The following PELP1 variants were observed in gnomAD, a reference collection of about 807,000 sequenced individuals.
PELP1 encodes proline, glutamate and leucine rich protein 1, also known as proline-, glutamic acid- and leucine-rich protein 1.
PELP1 carries 32 observed loss-of-function variants against 95.5 expected under a neutral mutation model. That is an observed-to-expected ratio of 0.34 (90% CI 0.25 to 0.45). The LOEUF is 0.45. Among genes scored for constraint, PELP1 ranks in the 20% least tolerant of loss-of-function variants. The pLI is 1.00. For missense variants in PELP1, 1,358 were observed against 1,444.8 expected, an observed-to-expected ratio of 0.94 and a Z score of 0.97; for synonymous variants, 668 against 600.1, an observed-to-expected ratio of 1.11 and a Z score of -1.65.
chr17:4,697,993 C>T (rs1913359796), intron 1 of PELP1, among the ~76,000 whole-genome samples: 1 of 149,612 alleles, frequency 6.7e-6, no homozygotes. Flanking sequence ...AAGAATGACA[C>T]ATCATTTCTG....
chr17:4,701,034 T>G (rs1913508730), intron 1 of PELP1, among the ~76,000 whole-genome samples: 3 of 93,036 alleles, frequency 3.2e-5, no homozygotes, highest in African/African-American at 4.2e-5. Context: ...ATGGGAGGAA[T>G]GAAATAACAT....
chr17:4,677,246 G>A (rs1245302668), intron 5 of PELP1, among the ~76,000 whole-genome samples: 1 of 152,160 alleles, frequency 6.6e-6, no homozygotes, highest in African/African-American at 2.4e-5. Context: ...AAAGAAGGCT[G>A]CTAGAGCAGA....
chr17:4,694,695 G>A lies in PELP1; in HGVS notation c.250-3253C>T, dbSNP rs1224819916. ...AAATAAAATAAAAATAAAATGGGCC[G>A]GGCGCGGTGGCTTACGCCTGTAATG... On this transcript the variant is annotated intron_variant, in intron 1 of 16. Transcript: ENST00000572293. Among the ~76,000 whole-genome samples, 10 of 151,428 alleles carry A rather than the reference G, an allele frequency of 6.6e-5. No individual in the cohort carries two copies. The East Asian group carries it at 9.7e-4, about 15-fold the overall frequency.
intron 3 of PELP1, among the ~76,000 whole-genome samples, chr17:4,683,429 C>T (rs545092357): frequency 6.6e-6 from 1 of 151,280 alleles, no homozygotes; most frequent in South Asian, 2.1e-4. Context: ...ACTATGTTAG[C>T]CAGGATGGTC....
intron 1 of PELP1, 128 bp downstream of exon 1, chr17:4,703,735 T>C: frequency 4.0e-6 from 3 of 746,482 alleles, no homozygotes; most frequent in Non-Finnish European, 6.4e-6. Flanking sequence ...GATACCTGGA[T>C]CCCCTTTCTG....
intron 3 of PELP1, among the ~76,000 whole-genome samples, chr17:4,683,914 C>T (rs964504254): frequency 6.8e-6 from 1 of 147,942 alleles, no homozygotes; most frequent in African/African-American, 2.5e-5. Flanking sequence ...TCTTGGCTCA[C>T]CGCAGCCCTG....
Position 4,671,888 on chromosome 17 carries a change from C to G in PELP1, c.3103G>C (p.Gly1035Arg). The G allele has an allele frequency of 6.6e-7, 1 of 1,514,696 alleles. No individual in the cohort carries two copies. The highest frequency in any genetic ancestry group is 8.8e-7 in the Non-Finnish European group (1 of 1,135,150). The allele number at this position is 1,514,696 out of a possible 1,614,324, so 93.8% of individuals were successfully genotyped here. Reference sequence around the variant, plus strand: ...CTTTCCCCTTCCCTCTCCACCTCTCCCTGGGAGGGGAGCGCTTCAGGGGCC... The same window carrying G: ...CTTTCCCCTTCCCTCTCCACCTCTCGCTGGGAGGGGAGCGCTTCAGGGGCC... ...TLAPEALPSQ[G>R]EVEREGESPA... The change falls in exon 16 of 17, where the codon GGA becomes CGA. Residue 1035 changes from glycine (G) to arginine (R), a missense_variant. Gly to Arg is a moderately radical substitution (Grantham distance 125). Around this residue, in one of 7 missense-constraint regions of PELP1, gnomAD observed 283 missense variants for 284.1 expected, o/e 1.00. Transcript: ENST00000572293.
intron 5 of PELP1, among the ~76,000 whole-genome samples, chr17:4,680,905 G>T (rs1912660247): frequency 6.6e-6 from 1 of 152,180 alleles, no homozygotes. Context: ...GGCAGAATTT[G>T]TAAACCATTC....
rs59870828 is a variant in PELP1, at chr17:4,683,531, C to CTTTTTTT, written c.421-586_421-580dup. ...ATCACGCCCAGCTGAGTTTTCTTTT[C>CTTTTTTT]TTTTTTTTTTTTTTTTTGAGACAGA... is the stretch of plus-strand genomic sequence containing the variant. On this transcript the variant is annotated intron_variant, in intron 3 of 16. Transcript: ENST00000572293. Among the ~76,000 whole-genome samples the CTTTTTTT allele has an allele frequency of 1.6e-3, 155 of 96,546 alleles. 3 individuals carry two copies. The highest frequency in any genetic ancestry group is 2.8e-3 in the African/African-American group (74 of 26,080). 63.3% of individuals were successfully genotyped at this position (96,546 alleles called of 152,430 possible).
Position 4,673,793 on chromosome 17 carries a change from T to C in PELP1, c.1583-119A>G. ...GCCACTGCCTATCTTGGCCAAGTCA[T>C]TTAACTTCTCAACTAGAAAATGGGG... On this transcript the variant is annotated intron_variant, in intron 13 of 16. Transcript: ENST00000572293. This position sits in a 1 kb window ranked among gnomAD's most constrained non-coding sequence, Gnocchi z 5.7. 1.2e-6 allele frequency: 1 copy of C among 812,438 alleles called. No homozygotes were observed. The highest frequency in any genetic ancestry group is 1.4e-5 in the South Asian group (1 of 72,906). 50.3% of individuals were successfully genotyped at this position (812,438 alleles called of 1,614,324 possible). A position where few individuals can be genotyped will look rare whatever the true frequency, so the allele number is the denominator to read the frequency against.
chr17:4,672,736 G>T lies in PELP1; in HGVS notation c.2255C>A (p.Pro752Gln), dbSNP rs763220675. The T allele has an allele frequency of 1.0e-4, 166 of 1,613,394 alleles. No individual in the cohort carries two copies. Among genetic ancestry groups the T allele is most frequent in the Non-Finnish European group, 1.3e-4 (150 of 1,179,694 alleles). ...PSGTPPPTIP[P>Q]DETFGGRVPR... ...CACTCTCCCCCCAAAAGTTTCATCT[G>T]GGGGTATAGTAGGTGGGGGAGTCCC... Residue 752 changes from proline to glutamine, a missense_variant, in exon 16 of 17, where the codon CCA becomes CAA. Physicochemically the swap from Pro to Gln is moderately conservative, Grantham distance 76. Transcript: ENST00000572293.
chr17:4,681,187 A>G (rs1337566968), intron 5 of PELP1, among the ~76,000 whole-genome samples: 4 of 152,232 alleles, frequency 2.6e-5, no homozygotes, highest in Admixed American at 2.0e-4. Context: ...AAGACCTTCA[A>G]GAATAAAGTA....
At chr17:4,701,967 C>G (rs975218434) in intron 1 of PELP1, among the ~76,000 whole-genome samples, 3 of 152,100 alleles carry the variant, frequency 2.0e-5, no homozygotes, top group African/African-American at 7.2e-5. Flanking sequence ...CTTCTTTACT[C>G]AAAATTCTAC....
At position 4,694,729 on chromosome 17, in the gene PELP1, T is replaced by C. The variant is rs370998058; in HGVS notation, c.250-3287A>G. Among the ~76,000 whole-genome samples the C allele has an allele frequency of 1.9e-3, 289 of 151,328 alleles. 8 individuals are homozygous for C. In the South Asian group the frequency reaches 0.057, roughly 30 times the overall value. On this transcript the variant is annotated intron_variant, in intron 1 of 16. Coordinates refer to ENST00000572293, the MANE Select transcript of PELP1 (RefSeq NM_014389.3). ...GGCTTACGCCTGTAATGCCAGCACTTTGGGGGGCCGAGGCAGGTGGATCAT... is the reference window on the plus strand; with the variant it reads ...GGCTTACGCCTGTAATGCCAGCACTCTGGGGGGCCGAGGCAGGTGGATCAT...
intron 1 of PELP1, among the ~76,000 whole-genome samples, chr17:4,692,187 G>A (rs895285760): frequency 1.3e-5 from 2 of 152,202 alleles, no homozygotes; most frequent in African/African-American, 4.8e-5. Flanking sequence ...ACTTGACATG[G>A]CCGGGCGCAG....
intron 1 of PELP1, 53 bp downstream of exon 1, chr17:4,703,810 G>A: frequency 6.7e-7 from 1 of 1,493,818 alleles, no homozygotes; most frequent in African/African-American, 1.4e-5. Flanking sequence ...CCGGCGCACA[G>A]GTGCCGCGCC....
rs1249661268 is a variant in PELP1, at chr17:4,673,859, TTTAA to T, written c.1583-189_1583-186del. On this transcript the variant is annotated intron_variant, in intron 13 of 16. Coordinates refer to ENST00000572293, the MANE Select transcript of PELP1 (RefSeq NM_014389.3). This position sits in a 1 kb window ranked among gnomAD's most constrained non-coding sequence, Gnocchi z 5.7. Reference sequence around the variant, plus strand: ...CTACTGTATAGGGCCACTGACGGTATTTAATTGAGACAATGTAAGTAAAAAATTA... The same window carrying T: ...CTACTGTATAGGGCCACTGACGGTATTTGAGACAATGTAAGTAAAAAATTA... 6.9e-6 allele frequency: 4 copies of T among 582,776 alleles called. No individual in the cohort carries two copies. Among genetic ancestry groups the T allele is most frequent in the Non-Finnish European group, 1.2e-5 (4 of 322,438 alleles). 36.1% of individuals were successfully genotyped at this position (582,776 alleles called of 1,614,324 possible).
intron 1 of PELP1, among the ~76,000 whole-genome samples, chr17:4,693,175 T>A (rs1385829489): frequency 6.6e-6 from 1 of 152,196 alleles, no homozygotes; most frequent in African/African-American, 2.4e-5. Context: ...GACCCAGCCA[T>A]TCCACCCTAC....
chr17:4,702,887 T>G (rs1386202204), intron 1 of PELP1, among the ~76,000 whole-genome samples: 1 of 152,116 alleles, frequency 6.6e-6, no homozygotes. Context: ...TTAGAATCAG[T>G]GCCTTCACCC....
Sources: gnomAD v4.1 joint callset for allele counts (sites outside exome capture counted in the v4.1 genomes callset) on GRCh38, gnomAD v4.1.1 for gene constraint, gnomAD v4.1.1 regional missense constraint, Gnocchi (gnomAD v3.1) non-coding constraint, MANE v1.5 for transcripts, NCBI Gene and HGNC (gene_info 2026-07-23, HGNC 2026-07-21) for gene names.